LRMDA: variants seen among roughly 807,000 people sequenced by gnomAD.
LRMDA encodes leucine-rich melanocyte differentiation-associated protein.
Under a neutral mutation model 29.8 loss-of-function variants are expected in LRMDA, and 18 were observed. The observed-to-expected ratio is 0.60, with a 90% CI of 0.42 to 0.90. LRMDA has a LOEUF of 0.90. LRMDA is among the 40% of genes least tolerant of loss of function. The pLI is 0.00. For missense variants in LRMDA, 273 were observed against 273.9 expected (o/e 1.00, Z 0.02); for synonymous variants, 125 against 109.4 (o/e 1.14, Z -0.89).
chr10:75,843,005 A>G (rs1439259205), intron 2 of LRMDA, among the ~76,000 whole-genome samples: 1 of 152,196 alleles, frequency 6.6e-6, no homozygotes, highest in Non-Finnish European at 1.5e-5. Flanking sequence ...TGGGTAACAG[A>G]GCAAGACCTT....
intron 6 of LRMDA, among the ~76,000 whole-genome samples, chr10:76,379,795 C>A (rs1025099975): frequency 6.6e-6 from 1 of 151,986 alleles, no homozygotes. Context: ...TTTCTTGATG[C>A]GTGACCTTAG....
chr10:76,155,624 A>G (rs1022495234), intron 5 of LRMDA, among the ~76,000 whole-genome samples: 3 of 152,238 alleles, frequency 2.0e-5, no homozygotes, highest in South Asian at 4.1e-4. Context: ...GGTACCTTGT[A>G]TTTTGGGATG....
intron 2 of LRMDA, among the ~76,000 whole-genome samples, chr10:75,726,080 A>G (rs919585979): frequency 1.3e-5 from 2 of 152,210 alleles, no homozygotes; most frequent in Non-Finnish European, 2.9e-5. Flanking sequence ...AAATGTACCT[A>G]AAGTTTACAT....
chr10:75,569,927 G>A (rs984749256), intron 2 of LRMDA, among the ~76,000 whole-genome samples: 2 of 152,228 alleles, frequency 1.3e-5, no homozygotes, highest in African/African-American at 2.4e-5. Flanking sequence ...GGCCAATGCT[G>A]TTCTCCAGGC....
intron 2 of LRMDA, among the ~76,000 whole-genome samples, chr10:75,705,265 G>A (rs967074651): frequency 6.6e-6 from 1 of 152,192 alleles, no homozygotes; most frequent in Non-Finnish European, 1.5e-5. Context: ...AGAAAGTTGA[G>A]TTACTAATTT....
At chr10:76,036,437 GAGAA>G (rs1456357326) in intron 3 of LRMDA, among the ~76,000 whole-genome samples, 2 of 152,194 alleles carry the variant, frequency 1.3e-5, no homozygotes, top group East Asian at 3.9e-4. Flanking sequence ...GATAAAAATA[GAGAA>G]AGAAAATAAT....
chr10:75,442,758 A>AT (rs965737511), intron 2 of LRMDA, among the ~76,000 whole-genome samples: 127 of 151,004 alleles, frequency 8.4e-4, no homozygotes, highest in African/African-American at 2.7e-3. Flanking sequence ...GAAATTTAGG[A>AT]TTTTTTTTTC....
chr10:76,021,772 T>C (rs1030270771), intron 2 of LRMDA, among the ~76,000 whole-genome samples: 4 of 152,198 alleles, frequency 2.6e-5, no homozygotes, highest in African/African-American at 9.6e-5. Context: ...AGAGACCTGC[T>C]CATAAAACTT....
Position 76,137,791 on chromosome 10 carries a change from C to CA in LRMDA, c.516+79014dup, listed in dbSNP as rs1164386935. 2.1e-3 allele frequency among the ~76,000 whole-genome samples: 289 copies of CA among 140,412 alleles called. 2 individuals are homozygous for CA. Among genetic ancestry groups the CA allele is most frequent in the African/African-American group, 7.1e-3 (266 of 37,634 alleles). The allele number at this position is 140,412 out of a possible 152,430, so 92.1% of individuals were successfully genotyped here. A position where few individuals can be genotyped will look rare whatever the true frequency, so the allele number is the denominator to read the frequency against. ...CTATGGCAAAAAAAAAAAAAACAAA[C>CA]AAAAAACCCTAAACTTTGACTTGGG... On this transcript the variant is annotated intron_variant, in intron 5 of 6. Transcript: ENST00000611255.
chr10:76,468,513 C>G (rs1842586331), intron 6 of LRMDA, among the ~76,000 whole-genome samples: 3 of 152,218 alleles, frequency 2.0e-5, no homozygotes, highest in African/African-American at 7.2e-5. Context: ...TCTGAATAGT[C>G]TTAGAGAAGC....
At chr10:76,209,474 T>C (rs1851597401) in intron 5 of LRMDA, among the ~76,000 whole-genome samples, 1 of 152,164 alleles carries the variant, frequency 6.6e-6, no homozygotes, top group Non-Finnish European at 1.5e-5. Flanking sequence ...ATTGACGGCA[T>C]AAGAATTAGT....
At chr10:75,623,225 A>G (rs538313133) in intron 2 of LRMDA, among the ~76,000 whole-genome samples, 2 of 152,244 alleles carry the variant, frequency 1.3e-5, no homozygotes, top group Non-Finnish European at 2.9e-5. Flanking sequence ...TCAGTCCAGC[A>G]TTAGATCTAT....
At chr10:75,975,793 C>T (rs557307186) in intron 2 of LRMDA, among the ~76,000 whole-genome samples, 16 of 152,300 alleles carry the variant, frequency 1.1e-4, no homozygotes, top group South Asian at 4.2e-4. Context: ...CATCCCAGGC[C>T]TCTCCAAAAT....
At chr10:76,233,467 A>G (rs1180859351) in intron 5 of LRMDA, among the ~76,000 whole-genome samples, 1 of 152,122 alleles carries the variant, frequency 6.6e-6, no homozygotes, top group Non-Finnish European at 1.5e-5. Context: ...GGCTGTGACA[A>G]TTTCTTAAAA....
intron 6 of LRMDA, among the ~76,000 whole-genome samples, chr10:76,353,952 T>G (rs906492080): frequency 2.0e-5 from 3 of 152,182 alleles, no homozygotes; most frequent in Non-Finnish European, 4.4e-5. Flanking sequence ...ATCTGGAGAA[T>G]AGAAATGCTG....
intron 6 of LRMDA, among the ~76,000 whole-genome samples, chr10:76,398,417 T>A (rs1841812426): frequency 1.3e-5 from 2 of 152,230 alleles, no homozygotes; most frequent in South Asian, 4.1e-4. Flanking sequence ...TGACCTCCTG[T>A]TGCTTTGCAT....
chr10:76,148,700 T>G (rs1850380464), intron 5 of LRMDA, among the ~76,000 whole-genome samples: 1 of 152,198 alleles, frequency 6.6e-6, no homozygotes, highest in Non-Finnish European at 1.5e-5. Flanking sequence ...CCCACTGTCC[T>G]GCACCTACTC....
intron 2 of LRMDA, among the ~76,000 whole-genome samples, chr10:75,489,397 T>C (rs1329314788): frequency 1.3e-5 from 2 of 152,204 alleles, no homozygotes; most frequent in Non-Finnish European, 2.9e-5. Flanking sequence ...AGAACAAAAT[T>C]GGGCCAAGCC....
At chr10:76,382,397 T>C (rs996391014) in intron 6 of LRMDA, among the ~76,000 whole-genome samples, 8 of 152,072 alleles carry the variant, frequency 5.3e-5, no homozygotes, top group African/African-American at 1.9e-4. Context: ...CCAAAGACAA[T>C]CACTTGGTGG....
Sources: allele counts gnomAD v4.1 joint callset (sites outside exome capture counted in the v4.1 genomes callset), GRCh38; gene constraint gnomAD v4.1.1; transcripts MANE v1.5; gene names NCBI Gene and HGNC (gene_info 2026-07-23, HGNC 2026-07-21).